Variants in USP32 observed in about 807,000 individuals in gnomAD.
USP32 encodes ubiquitin specific peptidase 32.
In USP32, 59 loss-of-function variants were observed where a neutral mutation model predicts 204.8. That is an observed-to-expected ratio of 0.29 (90% CI 0.23 to 0.36). USP32 has a LOEUF of 0.36. USP32 is among the 10% of genes least tolerant of loss of function. USP32 has a pLI of 1.00. For missense variants in USP32, 1,160 were observed against 1,946.4 expected (o/e 0.60, Z 7.60); for synonymous variants, 517 against 678.4 (o/e 0.76, Z 3.70).
intron 33 of USP32, 42 bp from the exon 34 acceptor site, chr17:60,179,470 C>T (rs764569932): frequency 7.5e-6 from 12 of 1,606,078 alleles, no homozygotes; most frequent in Non-Finnish European, 1.0e-5. Flanking sequence ...GCCATCACTA[C>T]TATGGCTCTA....
At chr17:60,290,899 A>T (rs1000157025) in intron 4 of USP32, among the ~76,000 whole-genome samples, 1 of 152,194 alleles carries the variant, frequency 6.6e-6, no homozygotes, top group African/African-American at 2.4e-5. Flanking sequence ...TGTGGAACTA[A>T]TCCCTCAAGC....
At chr17:60,303,349 G>T (rs553187290) in intron 2 of USP32, among the ~76,000 whole-genome samples, 12 of 152,234 alleles carry the variant, frequency 7.9e-5, no homozygotes, top group South Asian at 6.2e-4. Flanking sequence ...TCACTGGGAA[G>T]AAGGAAGATC....
At chr17:60,225,354 G>C (rs1296996980) in intron 13 of USP32, among the ~76,000 whole-genome samples, 1 of 152,144 alleles carries the variant, frequency 6.6e-6, no homozygotes, top group Non-Finnish European at 1.5e-5. Context: ...CTTCTTAGGA[G>C]GCTGAGGTGG....
intron 9 of USP32, among the ~76,000 whole-genome samples, chr17:60,263,640 T>G (rs992293189): frequency 1.3e-5 from 2 of 152,064 alleles, no homozygotes; most frequent in African/African-American, 4.8e-5. Context: ...AGAAAAAAGG[T>G]GTTCAAAATT....
intron 26 of USP32, among the ~76,000 whole-genome samples, chr17:60,203,840 G>C (rs1446822431): frequency 1.3e-5 from 2 of 152,142 alleles, no homozygotes; most frequent in Admixed American, 1.3e-4. Flanking sequence ...CTCCCAAAGT[G>C]CTGGGATTAC....
chr17:60,182,199 G>C (rs1057070906), intron 31 of USP32, among the ~76,000 whole-genome samples: 12 of 152,102 alleles, frequency 7.9e-5, no homozygotes, highest in African/African-American at 2.9e-4. Flanking sequence ...ATCCTGTAAG[G>C]CTTTAAACTT....
At chr17:60,293,830 A>C (rs889560814) in intron 4 of USP32, among the ~76,000 whole-genome samples, 3 of 152,220 alleles carry the variant, frequency 2.0e-5, no homozygotes, top group Non-Finnish European at 4.4e-5. Context: ...GAATTGTGTC[A>C]AAAAGCCACC....
At chr17:60,316,343 T>C (rs1166751051) in intron 2 of USP32, 1 of 154,950 alleles carries the variant, frequency 6.5e-6, no homozygotes, top group Non-Finnish European at 1.4e-5. Flanking sequence ...CCTAAGTAAA[T>C]GACTGCAAGT....
chr17:60,185,745 AT>A, intron 29 of USP32, 94 bp from the exon 30 acceptor site: 1 of 1,413,690 alleles, frequency 7.1e-7, no homozygotes, highest in Non-Finnish European at 9.6e-7. Flanking sequence ...ACTCACCCTT[AT>A]TTTACTCTAT....
At chr17:60,395,284 T>C (rs2089893689), upstream of USP32, among the ~76,000 whole-genome samples, 1 of 152,214 alleles carries the variant, frequency 6.6e-6, no homozygotes, top group South Asian at 2.1e-4. Context: ...TCATAAAAAT[T>C]TCCACTCCAT....
intron 11 of USP32, among the ~76,000 whole-genome samples, chr17:60,248,786 G>A (rs2086098706): frequency 6.6e-6 from 1 of 152,142 alleles, no homozygotes; most frequent in Non-Finnish European, 1.5e-5. Context: ...GTCTTTGTGT[G>A]CTAAGGAGAA....
At chr17:60,415,436 A>T (rs754003137) in intron 1 of USP32, among the ~76,000 whole-genome samples, 3 of 152,096 alleles carry the variant, frequency 2.0e-5, no homozygotes, top group Non-Finnish European at 2.9e-5. Flanking sequence ...TGGGTTAAAG[A>T]CCCATCTAAC....
At chr17:60,192,021 G>A (rs1314442978) in intron 28 of USP32, among the ~76,000 whole-genome samples, 13 of 152,014 alleles carry the variant, frequency 8.6e-5, no homozygotes, top group African/African-American at 3.1e-4. Flanking sequence ...GAGGCTTGGC[G>A]TGGTGGCTCA....
intron 10 of USP32, 108 bp downstream of exon 10, chr17:60,255,067 A>G: frequency 3.3e-6 from 2 of 599,266 alleles, no homozygotes; most frequent in Non-Finnish European, 5.4e-6. Context: ...TTTTTTTAAT[A>G]TATGGTTTTG....
chr17:60,195,726 T>C (rs1371552070), intron 27 of USP32, among the ~76,000 whole-genome samples: 1 of 152,210 alleles, frequency 6.6e-6, no homozygotes, highest in Non-Finnish European at 1.5e-5. Context: ...GTATAGATGA[T>C]GGGAATCTTC....
intron 2 of USP32, among the ~76,000 whole-genome samples, chr17:60,321,347 TA>T (rs1310211450): frequency 6.6e-6 from 1 of 152,154 alleles, no homozygotes; most frequent in African/African-American, 2.4e-5. Context: ...ACAACCAACG[TA>T]AGACTGGTGG....
intron 11 of USP32, among the ~76,000 whole-genome samples, chr17:60,247,575 T>C (rs2086063412): frequency 6.6e-6 from 1 of 152,236 alleles, no homozygotes; most frequent in Admixed American, 6.5e-5. Context: ...TCCAGCACCA[T>C]TTATTGAAGA....
At chr17:60,215,719 T>C (rs1177502979) in intron 16 of USP32, among the ~76,000 whole-genome samples, 2 of 152,174 alleles carry the variant, frequency 1.3e-5, no homozygotes, top group Non-Finnish European at 2.9e-5. Context: ...CATAAAATTC[T>C]AAATAGGTAT....
intron 1 of USP32, among the ~76,000 whole-genome samples, chr17:60,376,028 A>G (rs1567883939): frequency 6.6e-6 from 1 of 151,920 alleles, no homozygotes; most frequent in Non-Finnish European, 1.5e-5. Context: ...ATCTTTTGCC[A>G]ATTATAATCT....
Sources: allele counts gnomAD v4.1 joint callset (sites outside exome capture counted in the v4.1 genomes callset), GRCh38; gene constraint gnomAD v4.1.1; transcripts MANE v1.5; gene names NCBI Gene and HGNC (gene_info 2026-07-23, HGNC 2026-07-21).